The following SLC25A41 variants were observed in gnomAD, a reference collection of about 807,000 sequenced individuals.
SLC25A41 encodes the protein solute carrier family 25 member 41.
In SLC25A41, 35 loss-of-function variants were observed where a neutral mutation model predicts 34.7. The ratio of observed to expected loss-of-function variants is 1.01; its 90% CI spans 0.77 to 1.34. The LOEUF (loss-of-function observed/expected upper bound fraction) is 1.34. Ranked by LOEUF, SLC25A41 falls within the 40% of genes most tolerant of loss-of-function variation. The probability of loss-of-function intolerance (pLI) is 0.00; values close to 1 mark genes in which losing one functional copy is unlikely to be tolerated. For synonymous variants in SLC25A41, 190 were observed against 209.9 expected (o/e 0.91, Z 0.82); for missense variants, 492 against 489.8 (o/e 1.00, Z -0.04).
In SLC25A41 at chr19:6,427,183, G is replaced by A. The variant is rs2092245958; in HGVS notation, c.860C>T (p.Ser287Leu). The change falls in exon 6 of 7, where the codon TCG becomes TTG. Residue 287 changes from serine (S) to leucine (L), a missense_variant. Ser to Leu is a moderately radical substitution (Grantham distance 145). Coordinates refer to ENST00000321510, the MANE Select transcript of SLC25A41 (RefSeq NM_173637.4). This position sits in a 1 kb window ranked among gnomAD's most constrained non-coding sequence, Gnocchi z 4.9. ...MGDPSGLVSL[S>L]SVTLSTTCGQ... is the part of the protein sequence containing the mutation. ...ACAGGTCGTGGATAGCGTCACAGAC[G>A]ACAGACTGACCAGGCCACTGGGGTC... 5 of 1,612,330 alleles carry A rather than the reference G, an allele frequency of 3.1e-6. No homozygotes were observed. Among genetic ancestry groups the A allele is most frequent in the Middle Eastern group, 1.7e-4 (1 of 6,060 alleles).
chr19:6,426,612 C>CT, intron 6 of SLC25A41, 51 bp from the exon 7 acceptor site: 1 of 1,585,434 alleles, frequency 6.3e-7, no homozygotes, highest in Admixed American at 1.7e-5. Context: ...ACCGGGCCTC[C>CT]TAGGAGTCTG....
chr19:6,433,400 A>G, intron 1 of SLC25A41, 87 bp downstream of exon 1: 3 of 1,315,912 alleles, frequency 2.3e-6, no homozygotes, highest in Non-Finnish European at 3.3e-6. Flanking sequence ...CTAGCAGGGG[A>G]GTGGGCCTGT....
upstream of SLC25A41, chr19:6,433,785 G>T: frequency 8.9e-7 from 1 of 1,128,610 alleles, no homozygotes. Flanking sequence ...GGATTGTGTG[G>T]GGGACCAAGA....
chr19:6,426,859 A>G (rs999764018), intron 6 of SLC25A41, among the ~76,000 whole-genome samples: 1 of 151,896 alleles, frequency 6.6e-6, no homozygotes, highest in Non-Finnish European at 1.5e-5. Flanking sequence ...TGCAGCCTCG[A>G]CCTCCAGAAC....
Position 6,427,148 on chromosome 19 carries a change from C to T in SLC25A41, c.895G>A (p.Ala299Thr), listed in dbSNP as rs2092245752. 3 of 1,610,092 alleles carry T rather than the reference C, an allele frequency of 1.9e-6. No homozygotes were observed. Among genetic ancestry groups the T allele is most frequent in the South Asian group, 2.2e-5 (2 of 90,588 alleles). ...CGCACCAGAGTCAGTGGGTAGCTGG[C>T]CATCTGGCCACAGGTCGTGGATAGC... ...VTLSTTCGQMASYPLTLVRTR... is the reference protein window; with the variant it reads ...VTLSTTCGQMTSYPLTLVRTR... Residue 299 changes from alanine (A) to threonine (T), a missense_variant, in exon 6 of 7, where the codon GCC becomes ACC. Coordinates refer to ENST00000321510, the MANE Select transcript of SLC25A41 (RefSeq NM_173637.4). This position sits in a 1 kb window ranked among gnomAD's most constrained non-coding sequence, Gnocchi z 4.9.
rs369502798 is a variant in SLC25A41 at position 6,430,246 on chromosome 19, C to T, written c.364-85G>A. 1.7e-5 allele frequency: 24 copies of T among 1,436,558 alleles called. No individual in the cohort carries two copies. In the African/African-American group the frequency reaches 2.6e-4, roughly 15 times the overall value. 89.0% of individuals were successfully genotyped at this position (1,436,558 alleles called of 1,614,324 possible). The stretch of plus-strand genomic sequence containing the variant: ...TGCCCCAAGCGCAGCCCCACCGGGA[C>T]CTCCCAAGCCACCCAACCCCAACCC... On this transcript the variant is annotated intron_variant, in intron 2 of 6. Coordinates refer to ENST00000321510, the MANE Select transcript of SLC25A41 (RefSeq NM_173637.4).
chr19:6,429,070 ATATAATATATATATTATATATATGTTAC>A (rs2092260821), intron 4 of SLC25A41, among the ~76,000 whole-genome samples: 2 of 65,298 alleles, frequency 3.1e-5, no homozygotes, highest in African/African-American at 1.6e-4. Flanking sequence ...TTATATATAT[ATATAATATATATATTATATATATGTTAC>A]ATATATATAT....
chr19:6,429,607 T>G (rs374417394), intron 4 of SLC25A41, 117 bp downstream of exon 4: 17 of 514,406 alleles, frequency 3.3e-5, no homozygotes, highest in African/African-American at 2.2e-4. Context: ...GGGAGAAGTG[T>G]GAGAAAAAAG....
chr19:6,427,605 G>T lies in SLC25A41; in HGVS notation c.625-104C>A. 7.7e-7 allele frequency: 1 copy of T among 1,295,402 alleles called. No individual in the cohort carries two copies. Among genetic ancestry groups the T allele is most frequent in the Non-Finnish European group, 1.0e-6 (1 of 981,248 alleles). 80.2% of individuals were successfully genotyped at this position (1,295,402 alleles called of 1,614,324 possible). A position where few individuals can be genotyped will look rare whatever the true frequency, so the allele number is the denominator to read the frequency against. The stretch of plus-strand genomic sequence containing the variant: ...TACAAACAAGGAAAATGAGGCTCAG[G>T]AAGGCAAAGAGCTGGGTTTCAGACC... On this transcript the variant is annotated intron_variant, in intron 4 of 6. Transcript: ENST00000321510. This position sits in a 1 kb window ranked among gnomAD's most constrained non-coding sequence, Gnocchi z 4.9.
chr19:6,427,572 C>T lies in SLC25A41; in HGVS notation c.625-71G>A, dbSNP rs889432472. 1 of 1,406,266 alleles carries T rather than the reference C, an allele frequency of 7.1e-7. No homozygotes were observed. Among genetic ancestry groups the T allele is most frequent in the South Asian group, 1.6e-5 (1 of 62,604 alleles). 87.1% of individuals were successfully genotyped at this position (1,406,266 alleles called of 1,614,324 possible). ...CAATGACCCTCGGGGTAGCCATTGT[C>T]CCCACCCTACAAACAAGGAAAATGA... On this transcript the variant is annotated intron_variant, in intron 4 of 6. Transcript: ENST00000321510. This position sits in a 1 kb window ranked among gnomAD's most constrained non-coding sequence, Gnocchi z 4.9.
Position 6,432,242 on chromosome 19 carries a change from G to T in SLC25A41, c.208-38C>A, listed in dbSNP as rs774100770. ...CCCGGCCCTCCCTCATCCTCAGCCA[G>T]GTTGGGGCACCTTCCCCAGACACAC... is the stretch of plus-strand genomic sequence containing the variant. On this transcript the variant is annotated intron_variant, in intron 1 of 6. Transcript: ENST00000321510. 3.1e-6 allele frequency: 5 copies of T among 1,597,160 alleles called. No homozygotes were observed. In the East Asian group the frequency reaches 9.0e-5, roughly 29 times the overall value.
In SLC25A41 at chr19:6,429,175, AAT is replaced by A. The variant is rs1485385545; in HGVS notation, c.624+547_624+548del. 6.4e-3 allele frequency among the ~76,000 whole-genome samples: 357 copies of A among 55,852 alleles called. 62 individuals are homozygous for A. The highest frequency in any genetic ancestry group is 8.1e-3 in the Non-Finnish European group (277 of 34,228). The allele number at this position is 55,852 out of a possible 152,430, so 36.6% of individuals were successfully genotyped here. A position where few individuals can be genotyped will look rare whatever the true frequency, so the allele number is the denominator to read the frequency against. On this transcript the variant is annotated intron_variant, in intron 4 of 6. Coordinates refer to ENST00000321510, the MANE Select transcript of SLC25A41 (RefSeq NM_173637.4). The stretch of plus-strand genomic sequence containing the variant: ...TATATTATATATATAATATATATAT[AAT>A]ATATATATGTTATATATATAATATA...
chr19:6,433,640 C>T lies in SLC25A41; in HGVS notation c.54G>A (p.Leu18=). Residue 18 remains leucine, a synonymous_variant, in exon 1 of 7, where the codon CTG becomes CTA. Coordinates refer to ENST00000321510, the MANE Select transcript of SLC25A41 (RefSeq NM_173637.4). ...TGAGTAAGGTCTTGACCCTCCTAAA[C>T]AGTGTCTGGATCCTAGAGCAAGTGT... The part of the protein sequence containing the change: ...PQNTCSRIQT[L]FRRVKTLLIK... 6.2e-7 allele frequency: 1 copy of T among 1,606,274 alleles called. No homozygotes were observed. The highest frequency in any genetic ancestry group is 1.3e-5 in the African/African-American group (1 of 74,936).
Position 6,427,480 on chromosome 19 carries a change from A to T in SLC25A41, c.646T>A (p.Leu216Met). ...CCCTTGTACTGGCCCGTCCGACGCAAGGTCAACCGCGTCTTCAGCACCTGA... is the reference window on the plus strand; with the variant it reads ...CCCTTGTACTGGCCCGTCCGACGCATGGTCAACCGCGTCTTCAGCACCTGA... ...PMEVLKTRLT[L>M]RRTGQYKGLL... Residue 216 changes from leucine (L) to methionine (M), a missense_variant, in exon 5 of 7, where the codon TTG (leucine) becomes ATG (methionine). Transcript: ENST00000321510. The surrounding 1 kb of genome is among the most constrained non-coding windows in gnomAD (Gnocchi z 4.9). 1 of 1,557,750 alleles carries T rather than the reference A, an allele frequency of 6.4e-7. No homozygotes were observed. Among genetic ancestry groups the T allele is most frequent in the South Asian group, 1.2e-5 (1 of 85,092 alleles).
At chr19:6,430,207 T>A in intron 2 of SLC25A41, 46 bp from the exon 3 acceptor site, 1 of 1,549,048 alleles carries the variant, frequency 6.5e-7, no homozygotes, top group Non-Finnish European at 8.7e-7. Flanking sequence ...CGCCTCTGTC[T>A]CCGTCCCCAT....
upstream of SLC25A41, among the ~76,000 whole-genome samples, chr19:6,435,734 G>A (rs1201880761): frequency 2.0e-5 from 3 of 152,260 alleles, no homozygotes; most frequent in South Asian, 4.1e-4. Flanking sequence ...ATGTGCACCT[G>A]TAGTCCCAGC....
Position 6,433,549 on chromosome 19 carries a change from C to A in SLC25A41, c.145G>T (p.Val49Leu). 1 of 1,566,494 alleles carries A rather than the reference C, an allele frequency of 6.4e-7. No homozygotes were observed. Residue 49 changes from valine (V) to leucine (L), a missense_variant, in exon 1 of 7, where the codon GTG (valine) becomes TTG (leucine). Coordinates refer to ENST00000321510, the MANE Select transcript of SLC25A41 (RefSeq NM_173637.4). ...PPSWNPGCTH[V>L]YGYAFGHMHD... ...ATGTGGCCAAACGCGTACCCATACA[C>A]GTGTGTACAGCCAGGGTTCCAGGAT... is the stretch of plus-strand genomic sequence containing the variant.
intron 2 of SLC25A41, among the ~76,000 whole-genome samples, chr19:6,430,861 C>T (rs1004898224): frequency 3.3e-5 from 5 of 151,730 alleles, no homozygotes; most frequent in South Asian, 2.1e-4. Context: ...TTGCCCAGGC[C>T]GGAATGCAGT....
At position 6,428,413 on chromosome 19, in the gene SLC25A41, AAAG is replaced by A. The variant is rs2092254032; in HGVS notation, c.625-915_625-913del. Among the ~76,000 whole-genome samples, 3 of 149,196 alleles carry A rather than the reference AAAG, an allele frequency of 2.0e-5. No homozygotes were observed. The Admixed American group carries it at 2.0e-4, about 10-fold the overall frequency. On this transcript the variant is annotated intron_variant, in intron 4 of 6. Transcript: ENST00000321510. ...AGAGTGAGACTCTCAAAAAAAAAAAAAAGAAAAAGAAAGAAAAAAAGGAGGGTT... is the reference window on the plus strand; with the variant it reads ...AGAGTGAGACTCTCAAAAAAAAAAAAAAAAAGAAAGAAAAAAAGGAGGGTT...
Sources: gnomAD v4.1 joint callset for allele counts (sites outside exome capture counted in the v4.1 genomes callset) on GRCh38, gnomAD v4.1.1 for gene constraint, Gnocchi (gnomAD v3.1) non-coding constraint, MANE v1.5 for transcripts, NCBI Gene and HGNC (gene_info 2026-07-23, HGNC 2026-07-21) for gene names.